Variants in DAPK1 observed in about 807,000 individuals in gnomAD.
The protein encoded by DAPK1 is death associated protein kinase 1, also known as death-associated protein kinase 1.
DAPK1 carries 56 observed loss-of-function variants against 144.9 expected under a neutral mutation model. The ratio of observed to expected loss-of-function variants is 0.39; its 90% CI spans 0.31 to 0.48. The LOEUF is 0.48. DAPK1 is among the 20% of genes least tolerant of loss of function. The probability of loss-of-function intolerance (pLI) is 0.95; values close to 1 mark genes in which losing one functional copy is unlikely to be tolerated. For missense variants in DAPK1, 1,454 were observed against 1,875.4 expected, an observed-to-expected ratio of 0.78 and a Z score of 4.15; for synonymous variants, 690 against 749.0, an observed-to-expected ratio of 0.92 and a Z score of 1.29.
At chr9:87,566,257 G>A (rs933246031) in intron 2 of DAPK1, among the ~76,000 whole-genome samples, 1 of 152,010 alleles carries the variant, frequency 6.6e-6, no homozygotes, top group Admixed American at 6.5e-5. Flanking sequence ...TCCTGACCTT[G>A]TGATCCACCC....
chr9:87,537,276 G>A (rs531704863), intron 2 of DAPK1, among the ~76,000 whole-genome samples: 7 of 152,116 alleles, frequency 4.6e-5, no homozygotes, highest in South Asian at 2.1e-4. Context: ...GTGAGCCACC[G>A]CATCCAGCCC....
intron 18 of DAPK1, among the ~76,000 whole-genome samples, chr9:87,662,559 A>ATTTTT (rs1830886898): frequency 3.9e-5 from 1 of 25,568 alleles, no homozygotes. Context: ...ATATATTCCT[A>ATTTTT]GTTTTTTTTT....
chr9:87,552,597 C>CTT (rs1491180913), intron 2 of DAPK1, among the ~76,000 whole-genome samples: 6 of 151,580 alleles, frequency 4.0e-5, no homozygotes, highest in African/African-American at 1.5e-4. Flanking sequence ...TAAAATGTAC[C>CTT]TCTTTTTTTT....
In DAPK1 at chr9:87,708,305, A is replaced by G. The variant is rs13283425; in HGVS notation, c.*941A>G. On this transcript the variant is annotated 3_prime_UTR_variant, in exon 26 of 26. Coordinates refer to ENST00000408954, the MANE Select transcript of DAPK1 (RefSeq NM_004938.4). ...GACTCATCATTTGTGGCAGTCCCTT[A>G]TAATTGGTGCATAGCAGATGGTTTC... 2,260 of 154,130 alleles carry G rather than the reference A, an allele frequency of 0.015. 22 individuals carry two copies. Among genetic ancestry groups the G allele is most frequent in the East Asian group, 0.049 (255 of 5,206 alleles). 9.5% of individuals were successfully genotyped at this position (154,130 alleles called of 1,614,324 possible). A position where few individuals can be genotyped will look rare whatever the true frequency, so the allele number is the denominator to read the frequency against.
chr9:87,525,592 A>G, intron 2 of DAPK1: 1 of 724,248 alleles, frequency 1.4e-6, no homozygotes, highest in South Asian at 1.7e-5. Context: ...TGAATAAACG[A>G]AGGCCAAAAT....
intron 2 of DAPK1, among the ~76,000 whole-genome samples, chr9:87,524,091 G>A (rs62562069): frequency 0.089 from 13,559 of 152,254 alleles, 894 homozygotes; most frequent in East Asian, 0.33. Flanking sequence ...TTAGTGTCTT[G>A]GATAAGGCGT....
chr9:87,517,140 C>A (rs772699605), intron 2 of DAPK1, among the ~76,000 whole-genome samples: 1 of 151,778 alleles, frequency 6.6e-6, no homozygotes, highest in Non-Finnish European at 1.5e-5. Flanking sequence ...GTGAAGAATG[C>A]GATTGGGGGC....
At chr9:87,580,879 T>G (rs536476967) in intron 2 of DAPK1, among the ~76,000 whole-genome samples, 242 of 152,314 alleles carry the variant, frequency 1.6e-3, no homozygotes, top group African/African-American at 5.5e-3. Context: ...TGTCAGCATG[T>G]GGGGACACTT....
intron 2 of DAPK1, among the ~76,000 whole-genome samples, chr9:87,532,214 T>G (rs955971491): frequency 1.3e-5 from 2 of 152,266 alleles, no homozygotes; most frequent in African/African-American, 4.8e-5. Context: ...TATAGAGTCC[T>G]TCTGCTAAGA....
At chr9:87,501,544 CA>C (rs753100822) in intron 2 of DAPK1, among the ~76,000 whole-genome samples, 24 of 135,780 alleles carry the variant, frequency 1.8e-4, no homozygotes, top group African/African-American at 1.6e-4. Context: ...GACTCTGTCT[CA>C]AAAAAAAAAG....
rs960178815 is a variant in DAPK1, at chr9:87,686,337, G to A, written c.2225-214G>A. ...CCGGGCAACAGGGCGGGGCAGAAAAGGTTGTGGGGAGGTAGAGCAAGCGGA... is the reference window on the plus strand; with the variant it reads ...CCGGGCAACAGGGCGGGGCAGAAAAAGTTGTGGGGAGGTAGAGCAAGCGGA... On this transcript the variant is annotated intron_variant, in intron 20 of 25. Transcript: ENST00000408954. This position sits in a 1 kb window ranked among gnomAD's most constrained non-coding sequence, Gnocchi z 4.2. 6.6e-6 allele frequency among the ~76,000 whole-genome samples: 1 copy of A among 152,164 alleles called. No homozygotes were observed. Among genetic ancestry groups the A allele is most frequent in the Non-Finnish European group, 1.5e-5 (1 of 68,024 alleles).
intron 25 of DAPK1, among the ~76,000 whole-genome samples, chr9:87,703,680 C>G (rs1825537147): frequency 6.6e-6 from 1 of 152,142 alleles, no homozygotes; most frequent in Non-Finnish European, 1.5e-5. Context: ...GATACAAAGA[C>G]AGAGAACTCT....
chr9:87,656,013 A>C (rs1196828168), intron 17 of DAPK1, among the ~76,000 whole-genome samples: 1 of 152,252 alleles, frequency 6.6e-6, no homozygotes, highest in Non-Finnish European at 1.5e-5. Flanking sequence ...ATTCAGATGT[A>C]GCAGCATCTC....
intron 2 of DAPK1, among the ~76,000 whole-genome samples, chr9:87,536,858 A>C (rs181057402): frequency 6.6e-6 from 1 of 152,232 alleles, no homozygotes; most frequent in Non-Finnish European, 1.5e-5. Context: ...ATGGGGAAGA[A>C]CTTTAATTAA....
Position 87,686,501 on chromosome 9 carries a change from G to A in DAPK1, c.2225-50G>A, listed in dbSNP as rs1476664334. ...TCAGGGCCAGCCTGGGAGGGAGACA[G>A]GCACACGCTGCCCCCATCGAGTACT... On this transcript the variant is annotated intron_variant, in intron 20 of 25. Transcript: ENST00000408954. This position sits in a 1 kb window ranked among gnomAD's most constrained non-coding sequence, Gnocchi z 4.2. The A allele has an allele frequency of 9.5e-7, 1 of 1,055,716 alleles. No homozygotes were observed. Among genetic ancestry groups the A allele is most frequent in the Non-Finnish European group, 1.4e-6 (1 of 700,854 alleles). The allele number at this position is 1,055,716 out of a possible 1,614,324, so 65.4% of individuals were successfully genotyped here.
chr9:87,668,850 T>C lies in DAPK1; in HGVS notation c.2001+176T>C, dbSNP rs36216401. 59 of 594,814 alleles carry C rather than the reference T, an allele frequency of 9.9e-5. 1 individual carries two copies. The East Asian group carries it at 1.1e-3, about 11-fold the overall frequency. The allele number at this position is 594,814 out of a possible 1,614,324, so 36.8% of individuals were successfully genotyped here. ...TCGGTATAAATGCATCAGCTCCCTA[T>C]CTGTTTTCTTCTCTATTTGGACTTG... On this transcript the variant is annotated intron_variant, in intron 19 of 25. Transcript: ENST00000408954.
intron 2 of DAPK1, among the ~76,000 whole-genome samples, chr9:87,517,240 GCT>G (rs143656531): frequency 0.03 from 4,555 of 152,024 alleles, 252 homozygotes; most frequent in African/African-American, 0.1. Context: ...CTACATTACT[GCT>G]TTCCTCCGGG....
rs1830300852 is a variant in DAPK1, at chr9:87,647,308, G to A, written c.1234G>A (p.Gly412Arg). 3.7e-6 allele frequency: 6 copies of A among 1,613,970 alleles called. No individual in the cohort carries two copies. Among genetic ancestry groups the A allele is most frequent in the East Asian group, 2.2e-5 (1 of 44,870 alleles). ...CCCCAGGTTGATTTTCCTGCAGGGC[G>A]GGTCCAATGCCGTCTACTGGGCTGC... ...GSRIDVQDKGGSNAVYWAARH... is the reference protein window; with the variant it reads ...GSRIDVQDKGRSNAVYWAARH... The change falls in exon 14 of 26, where the codon GGG becomes AGG. Residue 412 changes from glycine to arginine, a missense_variant. Physicochemically the swap from Gly to Arg is moderately radical, Grantham distance 125. Transcript: ENST00000408954.
chr9:87,582,717 G>C (rs1049337754), intron 2 of DAPK1, among the ~76,000 whole-genome samples: 4 of 151,928 alleles, frequency 2.6e-5, no homozygotes, highest in Non-Finnish European at 5.9e-5. Context: ...ACCACTCCTG[G>C]TTGATTTTTG....
Sources: gnomAD v4.1 joint callset for allele counts (sites outside exome capture counted in the v4.1 genomes callset) on GRCh38, gnomAD v4.1.1 for gene constraint, Gnocchi (gnomAD v3.1) non-coding constraint, MANE v1.5 for transcripts, NCBI Gene and HGNC (gene_info 2026-07-23, HGNC 2026-07-21) for gene names.